Variants in AIM2 observed in about 807,000 individuals in gnomAD.
The protein encoded by AIM2 is interferon-inducible protein AIM2.
A neutral mutation model predicts 27.7 loss-of-function variants in AIM2; 30 were observed. That is an observed-to-expected ratio of 1.08 (90% CI 0.81 to 1.47). The LOEUF is 1.47. Among genes scored for constraint, AIM2 ranks in the 40% most tolerant of loss-of-function variants. The pLI is 0.00. For synonymous variants in AIM2, 141 were observed against 145.3 expected (o/e 0.97, Z 0.21); for missense variants, 358 against 411.3 (o/e 0.87, Z 1.12).
chr1:159,068,897 G>C (rs1034951785), intron 2 of AIM2, among the ~76,000 whole-genome samples, 196 bp from the exon 3 acceptor site: 1 of 152,152 alleles, frequency 6.6e-6, no homozygotes, highest in Non-Finnish European at 1.5e-5. Context: ...CCAGCACTTT[G>C]GGAGGCCAAG....
intron 1 of AIM2, among the ~76,000 whole-genome samples, chr1:159,082,788 AC>A (rs1656810777): frequency 6.6e-6 from 1 of 152,200 alleles, no homozygotes; most frequent in Non-Finnish European, 1.5e-5. Context: ...TGGGGGTAAC[AC>A]AAACATTCAG....
At chr1:159,141,185 C>T (rs1229477218), upstream of AIM2, among the ~76,000 whole-genome samples, 1 of 152,162 alleles carries the variant, frequency 6.6e-6, no homozygotes, top group Non-Finnish European at 1.5e-5. Flanking sequence ...CAAATGATAA[C>T]CCTGGTCAAG....
intron 1 of AIM2, among the ~76,000 whole-genome samples, chr1:159,118,042 T>A (rs1647428020): frequency 6.6e-6 from 1 of 152,110 alleles, no homozygotes; most frequent in South Asian, 2.1e-4. Flanking sequence ...CTAAGAAAAA[T>A]CTCTTATACA....
intron 1 of AIM2, among the ~76,000 whole-genome samples, chr1:159,100,722 G>A (rs1369272009): frequency 1.3e-5 from 2 of 152,210 alleles, no homozygotes; most frequent in Non-Finnish European, 2.9e-5. Flanking sequence ...TAAAGTCAAA[G>A]ACCTGGTTCT....
chr1:159,144,447 C>T (rs1648168290), upstream of AIM2, among the ~76,000 whole-genome samples: 1 of 152,088 alleles, frequency 6.6e-6, no homozygotes, highest in African/African-American at 2.4e-5. Context: ...TGTCTTTAAA[C>T]TAGGTTTTAA....
At chr1:159,067,508 G>GA (rs1656158351) in intron 3 of AIM2, among the ~76,000 whole-genome samples, 1 of 152,196 alleles carries the variant, frequency 6.6e-6, no homozygotes, top group South Asian at 2.1e-4. Flanking sequence ...AAGGGGCCCT[G>GA]ATGGGCAGCA....
chr1:159,115,116 C>G (rs1054049464), intron 1 of AIM2, among the ~76,000 whole-genome samples: 41 of 152,228 alleles, frequency 2.7e-4, no homozygotes, highest in Middle Eastern at 3.4e-3. Context: ...CCTAGGAATC[C>G]AACTTACAAG....
chr1:159,107,449 C>A (rs1157490437), intron 1 of AIM2, among the ~76,000 whole-genome samples: 1 of 151,948 alleles, frequency 6.6e-6, no homozygotes, highest in Non-Finnish European at 1.5e-5. Flanking sequence ...GACTATGCCT[C>A]ACTGAGAAGG....
chr1:159,065,774 C>T lies in AIM2; in HGVS notation c.816+136G>A. On this transcript the variant is annotated intron_variant, in intron 4 of 5. Transcript: ENST00000368130. ...TATGAATTTTGGCATGTTTACTCTGCAGCTCTTTAGAACTTTGTATTTTTT... is the reference window on the plus strand; with the variant it reads ...TATGAATTTTGGCATGTTTACTCTGTAGCTCTTTAGAACTTTGTATTTTTT... The T allele has an allele frequency of 4.2e-6, 4 of 953,688 alleles. 1 individual carries two copies. In the East Asian group the frequency reaches 8.8e-5, roughly 21 times the overall value. The allele number at this position is 953,688 out of a possible 1,614,324, so 59.1% of individuals were successfully genotyped here.
At chr1:159,100,370 C>G (rs993199677) in intron 1 of AIM2, among the ~76,000 whole-genome samples, 3 of 151,936 alleles carry the variant, frequency 2.0e-5, no homozygotes, top group Non-Finnish European at 4.4e-5. Context: ...CTTGTAATAT[C>G]TAATACATCA....
upstream of AIM2, chr1:159,077,010 G>A (rs1478301322): frequency 1.3e-5 from 2 of 152,306 alleles, no homozygotes; most frequent in African/African-American, 4.8e-5. Flanking sequence ...TACACTTTGT[G>A]ACTAAGGGGC....
intron 1 of AIM2, among the ~76,000 whole-genome samples, chr1:159,073,825 G>A (rs779056611): frequency 1.2e-4 from 18 of 152,126 alleles, no homozygotes; most frequent in South Asian, 2.1e-4. Context: ...GATCACCTGC[G>A]GTCAGGAGTT....
At chr1:159,094,591 G>A (rs1020626846) in intron 1 of AIM2, among the ~76,000 whole-genome samples, 11 of 152,118 alleles carry the variant, frequency 7.2e-5, no homozygotes, top group African/African-American at 1.2e-4. Flanking sequence ...CCTGCTACTC[G>A]GGAGGCTGAA....
intron 1 of AIM2, among the ~76,000 whole-genome samples, chr1:159,122,592 C>T (rs1050942831): frequency 2.0e-5 from 3 of 152,148 alleles, no homozygotes; most frequent in African/African-American, 7.2e-5. Flanking sequence ...GGACACAGTC[C>T]TGGGATCCAC....
At chr1:159,063,108 G>A (rs958753897) in intron 5 of AIM2, among the ~76,000 whole-genome samples, 2 of 152,158 alleles carry the variant, frequency 1.3e-5, no homozygotes, top group Non-Finnish European at 1.5e-5. Context: ...AGGTGCAGAC[G>A]TGGTGGGACT....
intron 3 of AIM2, 42 bp downstream of exon 3, chr1:159,068,526 G>A (rs772516144): frequency 6.4e-7 from 1 of 1,553,436 alleles, no homozygotes; most frequent in Non-Finnish European, 8.7e-7. Flanking sequence ...TGACAGTGAT[G>A]CTCTTACAAG....
chr1:159,077,493 C>T (rs1656654236), upstream of AIM2, among the ~76,000 whole-genome samples: 1 of 152,200 alleles, frequency 6.6e-6, no homozygotes, highest in Non-Finnish European at 1.5e-5. Context: ...ACCATCTTGG[C>T]TTTAACCAGT....
intron 1 of AIM2, among the ~76,000 whole-genome samples, chr1:159,107,589 A>T (rs1162092249): frequency 6.6e-6 from 1 of 152,170 alleles, no homozygotes; most frequent in African/African-American, 2.4e-5. Flanking sequence ...AAATTGAAAC[A>T]AAAAAATATG....
upstream of AIM2, among the ~76,000 whole-genome samples, chr1:159,078,831 A>G (rs1424178571): frequency 6.6e-6 from 1 of 152,226 alleles, no homozygotes; most frequent in African/African-American, 2.4e-5. Context: ...GGTTTATGCC[A>G]TAAGCAGAAG....
Sources: allele counts gnomAD v4.1 joint callset (sites outside exome capture counted in the v4.1 genomes callset), GRCh38; gene constraint gnomAD v4.1.1; transcripts MANE v1.5; gene names NCBI Gene and HGNC (gene_info 2026-07-23, HGNC 2026-07-21).